The following CALD1 variants were observed in gnomAD, a reference collection of about 807,000 sequenced individuals.
The protein encoded by CALD1 is caldesmon 1.
In CALD1, 33 loss-of-function variants were observed where a neutral mutation model predicts 99.9. The ratio of observed to expected loss-of-function variants is 0.33; its 90% CI spans 0.25 to 0.44. The LOEUF is 0.44. CALD1 is among the 20% of genes least tolerant of loss of function. The pLI is 1.00. For synonymous variants in CALD1, 310 were observed against 325.0 expected (o/e 0.95, Z 0.50); for missense variants, 861 against 962.1 (o/e 0.89, Z 1.39).
chr7:134,959,437 C>T (rs867988065), intron 11 of CALD1, among the ~76,000 whole-genome samples: 1 of 152,040 alleles, frequency 6.6e-6, no homozygotes, highest in African/African-American at 2.4e-5. Flanking sequence ...TTCAGGAGGC[C>T]GAGGCAGGAG....
intron 13 of CALD1, 33 bp from the exon 14 acceptor site, chr7:134,965,273 C>T (rs1198699144): frequency 9.8e-7 from 1 of 1,023,894 alleles, no homozygotes; most frequent in Non-Finnish European, 1.6e-6. Context: ...TAAATGGCCA[C>T]CTATCGATGT....
intron 13 of CALD1, among the ~76,000 whole-genome samples, chr7:134,964,435 T>C (rs1326704875): frequency 6.6e-6 from 1 of 152,152 alleles, no homozygotes. Flanking sequence ...ACTTCAGAGT[T>C]ACCCAAGCTG....
chr7:134,792,286 C>CTTTTTT (rs1228341394), intron 1 of CALD1, among the ~76,000 whole-genome samples: 11 of 122,774 alleles, frequency 9.0e-5, no homozygotes, highest in East Asian at 2.4e-4. Context: ...ATTTCCTCTT[C>CTTTTTT]TTTTTTTTTT....
intron 1 of CALD1, among the ~76,000 whole-genome samples, chr7:134,824,580 T>C (rs1798912535): frequency 6.6e-6 from 1 of 152,202 alleles, no homozygotes; most frequent in Admixed American, 6.6e-5. Flanking sequence ...CTCTATCTGA[T>C]GCTTGAAAAG....
chr7:134,822,110 A>G (rs7809465), intron 1 of CALD1: 92,821 of 151,956 alleles, frequency 0.61, 28,789 homozygotes, highest in East Asian at 0.95. Context: ...ACAGCTGACA[A>G]CTTTGTGGCA....
At chr7:134,920,439 T>C (rs1804528034) in intron 3 of CALD1, 2 of 929,320 alleles carry the variant, frequency 2.2e-6, no homozygotes, top group Non-Finnish European at 1.3e-6. Flanking sequence ...GAACCAATAA[T>C]GATGGGAATC....
intron 3 of CALD1, among the ~76,000 whole-genome samples, chr7:134,914,594 AG>A (rs1256186193): frequency 6.6e-6 from 1 of 152,190 alleles, no homozygotes; most frequent in African/African-American, 2.4e-5. Flanking sequence ...GTATGTACCA[AG>A]CACGATTGGC....
rs1210592058 is a variant in CALD1 at position 134,920,612 on chromosome 7, C to T, written c.72-8142C>T. The stretch of plus-strand genomic sequence containing the variant: ...TCAGTTACCAGCCTGAAATCTCCAT[C>T]GACCAACACTGCCTTCTCTCAAATG... On this transcript the variant is annotated intron_variant, in intron 3 of 14. Transcript: ENST00000361675. The T allele has an allele frequency of 1.9e-5, 25 of 1,288,840 alleles. No homozygotes were observed. The East Asian group carries it at 4.4e-4, about 23-fold the overall frequency. The allele number at this position is 1,288,840 out of a possible 1,614,324, so 79.8% of individuals were successfully genotyped here.
At chr7:134,780,425 A>G (rs902850999) in intron 1 of CALD1, among the ~76,000 whole-genome samples, 12 of 151,156 alleles carry the variant, frequency 7.9e-5, no homozygotes, top group African/African-American at 2.5e-4. Context: ...TGCATGCGCT[A>G]GTGGGTGTGT....
At chr7:134,781,025 G>A (rs1016177925) in intron 1 of CALD1, among the ~76,000 whole-genome samples, 1 of 152,102 alleles carries the variant, frequency 6.6e-6, no homozygotes, top group Admixed American at 6.6e-5. Context: ...AGAAGTTTGG[G>A]GATAATTTTC....
Position 134,851,779 on chromosome 7 carries a change from C to T in CALD1, c.-42+7808C>T, listed in dbSNP as rs764657335. On this transcript the variant is annotated intron_variant, in intron 2 of 14. Transcript: ENST00000361675. ...AGTCTACCCCAGAAGTGACATGATACTTCTGCTCAAAACTCATTGGCCAGA... is the reference window on the plus strand; with the variant it reads ...AGTCTACCCCAGAAGTGACATGATATTTCTGCTCAAAACTCATTGGCCAGA... 4.1e-4 allele frequency among the ~76,000 whole-genome samples: 63 copies of T among 152,162 alleles called. 2 individuals carry two copies. Among genetic ancestry groups the T allele is most frequent in the Non-Finnish European group, 1.2e-4 (8 of 68,024 alleles).
chr7:134,859,721 A>G (rs1800480200), intron 2 of CALD1, among the ~76,000 whole-genome samples: 1 of 152,230 alleles, frequency 6.6e-6, no homozygotes, highest in Non-Finnish European at 1.5e-5. Flanking sequence ...TGATAACCAT[A>G]AAGTTTTGAA....
At chr7:134,860,712 T>A (rs1284584238) in intron 2 of CALD1, among the ~76,000 whole-genome samples, 1 of 152,220 alleles carries the variant, frequency 6.6e-6, no homozygotes, top group Non-Finnish European at 1.5e-5. Context: ...ATTTAAAGAC[T>A]AGCTAAAGAG....
intron 3 of CALD1, among the ~76,000 whole-genome samples, chr7:134,872,923 C>T (rs1196332841): frequency 2.0e-5 from 3 of 152,236 alleles, no homozygotes; most frequent in East Asian, 3.9e-4. Context: ...TGGCTCACTC[C>T]CGTAATCCCA....
chr7:134,841,449 A>G (rs186539287), intron 1 of CALD1, among the ~76,000 whole-genome samples: 2 of 152,334 alleles, frequency 1.3e-5, no homozygotes, highest in Non-Finnish European at 2.9e-5. Flanking sequence ...TGATTGAAAT[A>G]GGTACTTGCC....
In CALD1 at chr7:134,970,378, A is replaced by G. The variant is rs1232824071; in HGVS notation, c.*2033A>G. 1 of 152,450 alleles carries G rather than the reference A, an allele frequency of 6.6e-6. No individual in the cohort carries two copies. The highest frequency in any genetic ancestry group is 1.5e-5 in the Non-Finnish European group (1 of 68,034). The allele number at this position is 152,450 out of a possible 1,614,324, so 9.4% of individuals were successfully genotyped here. A position where few individuals can be genotyped will look rare whatever the true frequency, so the allele number is the denominator to read the frequency against. ...TGTATCACTGCTGACTTTTATTCCA[A>G]TATTTGGATGGAGTAAGTTTTAGGG... On this transcript the variant is annotated 3_prime_UTR_variant, in exon 15 of 15. Coordinates refer to ENST00000361675, the MANE Select transcript of CALD1 (RefSeq NM_033138.4).
rs573208522 is a variant in CALD1, at chr7:134,847,639, C to T, written c.-42+3668C>T. On this transcript the variant is annotated intron_variant, in intron 2 of 14. Coordinates refer to ENST00000361675, the MANE Select transcript of CALD1 (RefSeq NM_033138.4). The stretch of plus-strand genomic sequence containing the variant: ...GGTAGAGGACATTCCAACACCACCA[C>T]GTGCAGCTTTAGTAACCTTGCCCAA... 9.8e-5 allele frequency among the ~76,000 whole-genome samples: 15 copies of T among 152,326 alleles called. No individual in the cohort carries two copies. The South Asian group carries it at 3.1e-3, about 32-fold the overall frequency.
At chr7:134,925,155 T>A (rs1286935282) in intron 3 of CALD1, among the ~76,000 whole-genome samples, 2 of 152,104 alleles carry the variant, frequency 1.3e-5, no homozygotes, top group Non-Finnish European at 2.9e-5. Context: ...CTATAAACTT[T>A]AAGCTGTACC....
At chr7:134,837,140 G>A (rs1013532590) in intron 1 of CALD1, among the ~76,000 whole-genome samples, 4 of 151,528 alleles carry the variant, frequency 2.6e-5, no homozygotes, top group Admixed American at 2.0e-4. Context: ...ATTTCCCTGG[G>A]TAGCTTGCTA....
Sources: gnomAD v4.1 joint callset for allele counts (sites outside exome capture counted in the v4.1 genomes callset) on GRCh38, gnomAD v4.1.1 for gene constraint, MANE v1.5 for transcripts, NCBI Gene and HGNC (gene_info 2026-07-23, HGNC 2026-07-21) for gene names.